INCENP: variants seen among roughly 807,000 people sequenced by gnomAD.
INCENP encodes the protein binds and activates aurora-B and -C in vivo and in vitro.
In INCENP, 43 loss-of-function variants were observed where a neutral mutation model predicts 107.3. The observed-to-expected ratio is 0.40, with a 90% CI of 0.31 to 0.52. INCENP has a LOEUF of 0.52. Among genes scored for constraint, INCENP ranks in the 20% least tolerant of loss-of-function variants. The probability of loss-of-function intolerance (pLI) is 0.53; values close to 1 mark genes in which losing one functional copy is unlikely to be tolerated. For synonymous variants in INCENP, 488 were observed against 494.4 expected (o/e 0.99, Z 0.17); for missense variants, 1,089 against 1,250.9 (o/e 0.87, Z 1.95).
intron 18 of INCENP, 39 bp from the exon 19 acceptor site, chr11:62,151,723 A>G: frequency 6.4e-7 from 1 of 1,566,980 alleles, no homozygotes. Context: ...AGGTTCATGG[A>G]GAGCCCCAAG....
In INCENP at chr11:62,145,270, T is replaced by C. The variant is rs1224079556; in HGVS notation, c.1817T>C (p.Ile606Thr). 6.2e-7 allele frequency: 1 copy of C among 1,613,976 alleles called. No individual in the cohort carries two copies. The highest frequency in any genetic ancestry group is 1.7e-5 in the Admixed American group (1 of 60,032). The change falls in exon 13 of 19, where the codon ATC (isoleucine) becomes ACC (threonine). Residue 606 changes from isoleucine to threonine, a missense_variant. Coordinates refer to ENST00000394818, the MANE Select transcript of INCENP (RefSeq NM_001040694.2). ...KKQIEQKFAQIDEKTEKAKEE... is the reference protein window; with the variant it reads ...KKQIEQKFAQTDEKTEKAKEE... The stretch of plus-strand genomic sequence containing the variant: ...CAGATTGAGCAGAAGTTTGCTCAGA[T>C]CGACGAGAAGACTGAGAAGGTGGGA...
intron 1 of INCENP, among the ~76,000 whole-genome samples, chr11:62,124,861 C>A (rs1565087667): frequency 6.6e-6 from 1 of 152,226 alleles, no homozygotes; most frequent in African/African-American, 2.4e-5. Flanking sequence ...CCATGCGTAT[C>A]CTCAAGGTTG....
Position 62,130,744 on chromosome 11 carries a change from G to C in INCENP, c.1063+154G>C, listed in dbSNP as rs549466923. ...TGCTGTCCTGGGATGGTGGCCGCTA[G>C]CTGGCCTCATCTGGCGATTGTGTCC... On this transcript the variant is annotated intron_variant, in intron 4 of 18. Transcript: ENST00000394818. 6.4e-4 allele frequency among the ~76,000 whole-genome samples: 97 copies of C among 152,368 alleles called. 1 individual carries two copies. Among genetic ancestry groups the C allele is most frequent in the African/African-American group, 2.0e-3 (82 of 41,600 alleles).
At chr11:62,127,181 C>T (rs377299342) in intron 1 of INCENP, among the ~76,000 whole-genome samples, 4 of 152,034 alleles carry the variant, frequency 2.6e-5, no homozygotes, top group Admixed American at 2.0e-4. Flanking sequence ...GGATTACAGG[C>T]GCACACCACC....
intron 18 of INCENP, 110 bp downstream of exon 18, chr11:62,150,317 C>A: frequency 8.6e-7 from 1 of 1,161,456 alleles, no homozygotes; most frequent in Non-Finnish European, 1.2e-6. Flanking sequence ...CTGCCGTGTG[C>A]TTCAGTTGGC....
At position 62,140,777 on chromosome 11, in the gene INCENP, C is replaced by A; in HGVS notation, c.1417C>A (p.Pro473Thr). ...EQHLEDEELQ[P>T]PRSKTPSSPC... ...GCACCTGGAGGATGAGGAGCTGCAG[C>A]CCCCCAGGAGCAAGACCCCTTCCTC... Residue 473 changes from proline to threonine, a missense_variant, in exon 9 of 19, where the codon CCC becomes ACC. Pro to Thr is a conservative substitution (Grantham distance 38, BLOSUM62 -1). Coordinates refer to ENST00000394818, the MANE Select transcript of INCENP (RefSeq NM_001040694.2). The A allele has an allele frequency of 6.2e-7, 1 of 1,611,314 alleles. No individual in the cohort carries two copies. The highest frequency in any genetic ancestry group is 8.5e-7 in the Non-Finnish European group (1 of 1,179,434).
intron 11 of INCENP, among the ~76,000 whole-genome samples, chr11:62,142,133 G>A (rs1944138507): frequency 6.6e-6 from 1 of 152,206 alleles, no homozygotes; most frequent in Non-Finnish European, 1.5e-5. Flanking sequence ...TGCTTAGCCT[G>A]CAGCCCCAGC....
Position 62,130,445 on chromosome 11 carries a change from C to T in INCENP, c.918C>T (p.Ser306=), listed in dbSNP as rs757498444. The T allele has an allele frequency of 6.8e-6, 11 of 1,614,012 alleles. No individual in the cohort carries two copies. The highest frequency in any genetic ancestry group is 9.3e-6 in the Non-Finnish European group (11 of 1,180,044). ...CGGACTCTCAATCGGTGCGGCACAG[C>T]CCGATCGCCCCGTCTTCCCCGAGTC... ...SRTDSQSVRH[S]PIAPSSPSPQ... The change falls in exon 4 of 19, where the codon AGC becomes AGT. Residue 306 remains serine (S), a synonymous_variant. Coordinates refer to ENST00000394818, the MANE Select transcript of INCENP (RefSeq NM_001040694.2).
chr11:62,140,376 C>CAGGGGCTT (rs1944088763), intron 8 of INCENP, 91 bp downstream of exon 8: 12 of 1,128,276 alleles, frequency 1.1e-5, no homozygotes, highest in Non-Finnish European at 1.6e-5. Flanking sequence ...GATGTGTGCT[C>CAGGGGCTT]AGGGGCTTCA....
At chr11:62,144,843 G>T (rs1944202586) in intron 11 of INCENP, 139 bp from the exon 12 acceptor site, 1 of 825,332 alleles carries the variant, frequency 1.2e-6, no homozygotes, top group Non-Finnish European at 2.1e-6. Flanking sequence ...GGCCACGTTG[G>T]GGATACCTCT....
Position 62,129,766 on chromosome 11 carries a change from C to T in INCENP, c.255-16C>T, listed in dbSNP as rs1342044043. The T allele has an allele frequency of 5.6e-6, 9 of 1,593,706 alleles. No homozygotes were observed. Among genetic ancestry groups the T allele is most frequent in the Admixed American group, 1.7e-5 (1 of 59,508 alleles). ...CCTGCTGCCCGTCTCAGCCTCTGCCCTGCTGCCCCTGCCAGGTTATCCCGC... is the reference window on the plus strand; with the variant it reads ...CCTGCTGCCCGTCTCAGCCTCTGCCTTGCTGCCCCTGCCAGGTTATCCCGC... On this transcript the variant is annotated splice_polypyrimidine_tract_variant and intron_variant, in intron 3 of 18. Coordinates refer to ENST00000394818, the MANE Select transcript of INCENP (RefSeq NM_001040694.2).
At chr11:62,135,237 G>A (rs189358995) in intron 4 of INCENP, among the ~76,000 whole-genome samples, 69 of 152,182 alleles carry the variant, frequency 4.5e-4, no homozygotes, top group African/African-American at 1.6e-3. Flanking sequence ...GATTCCACAC[G>A]GGTCTACCTT....
At chr11:62,143,933 A>G (rs1326824073) in intron 11 of INCENP, among the ~76,000 whole-genome samples, 1 of 152,232 alleles carries the variant, frequency 6.6e-6, no homozygotes, top group Non-Finnish European at 1.5e-5. Context: ...CTGGCTGCCC[A>G]TTGCTGTGGC....
chr11:62,136,057 A>G (rs556516801), intron 4 of INCENP, among the ~76,000 whole-genome samples: 37 of 152,120 alleles, frequency 2.4e-4, no homozygotes, highest in Admixed American at 2.3e-3. Flanking sequence ...TCGGCCTCCC[A>G]AAGTGCTGGG....
chr11:62,142,081 C>T (rs930338169), intron 11 of INCENP, among the ~76,000 whole-genome samples: 1 of 152,186 alleles, frequency 6.6e-6, no homozygotes, highest in African/African-American at 2.4e-5. Flanking sequence ...AGAGCTGAGC[C>T]GAGCCAGGCA....
chr11:62,149,990 A>G, intron 17 of INCENP, 67 bp from the exon 18 acceptor site: 1 of 1,489,264 alleles, frequency 6.7e-7, no homozygotes. Flanking sequence ...GCAGTGCCCC[A>G]GCACTCCTCG....
rs1038481232 is a variant in INCENP at position 62,139,086 on chromosome 11, G to T, written c.1291+81G>T. ...GCCTCGGCCTGACCTTCTCTCTGGG[G>T]ATAAGGAAGCCCCATTTTCTGGGCC... On this transcript the variant is annotated intron_variant, in intron 7 of 18. Coordinates refer to ENST00000394818, the MANE Select transcript of INCENP (RefSeq NM_001040694.2). 3.1e-6 allele frequency: 3 copies of T among 960,592 alleles called. No individual in the cohort carries two copies. In the East Asian group the frequency reaches 7.2e-5, roughly 23 times the overall value. 59.5% of individuals were successfully genotyped at this position (960,592 alleles called of 1,614,324 possible).
chr11:62,140,126 T>A (rs1322442398), intron 7 of INCENP, 108 bp from the exon 8 acceptor site: 1 of 906,910 alleles, frequency 1.1e-6, no homozygotes, highest in Non-Finnish European at 1.8e-6. Context: ...AAGGGAGCCT[T>A]GCCCACTGCC....
Position 62,130,309 on chromosome 11 carries a change from A to G in INCENP, c.782A>G (p.Gln261Arg), listed in dbSNP as rs750138600. 1 of 1,611,748 alleles carries G rather than the reference A, an allele frequency of 6.2e-7. No homozygotes were observed. Among genetic ancestry groups the G allele is most frequent in the Non-Finnish European group, 8.5e-7 (1 of 1,180,006 alleles). ...GRSASKLRIA[Q>R]VSPGPRDSPA... ...TCTGCGTCTAAGCTCAGGATTGCGC[A>G]GGTCTCCCCTGGCCCACGGGACTCG... The change falls in exon 4 of 19, where the codon CAG becomes CGG. Residue 261 changes from glutamine to arginine, a missense_variant. Coordinates refer to ENST00000394818, the MANE Select transcript of INCENP (RefSeq NM_001040694.2).
Sources: gnomAD v4.1 joint callset for allele counts (sites outside exome capture counted in the v4.1 genomes callset) on GRCh38, gnomAD v4.1.1 for gene constraint, MANE v1.5 for transcripts, NCBI Gene and HGNC (gene_info 2026-07-23, HGNC 2026-07-21) for gene names.